SH3GL2: variants seen among roughly 807,000 people sequenced by gnomAD.
SH3GL2 encodes endophilin-A1.
A neutral mutation model predicts 46.0 loss-of-function variants in SH3GL2; 24 were observed. The ratio of observed to expected loss-of-function variants is 0.52; its 90% CI spans 0.38 to 0.73. The LOEUF (loss-of-function observed/expected upper bound fraction) is 0.73, where lower values mean the gene tolerates loss of function less well. SH3GL2 is among the 30% of genes least tolerant of loss of function. SH3GL2 has a pLI of 0.00. For synonymous variants in SH3GL2, 196 were observed against 147.1 expected, an observed-to-expected ratio of 1.33 and a Z score of -2.40; for missense variants, 413 against 424.2, an observed-to-expected ratio of 0.97 and a Z score of 0.23.
chr9:17,738,156 A>C (rs1056656904), intron 1 of SH3GL2, among the ~76,000 whole-genome samples: 2 of 152,076 alleles, frequency 1.3e-5, no homozygotes, highest in Non-Finnish European at 2.9e-5. Context: ...CAGTGCTTGC[A>C]AAGTCCCAGG....
intron 1 of SH3GL2, among the ~76,000 whole-genome samples, chr9:17,733,730 A>T (rs1419720199): frequency 6.6e-6 from 1 of 152,154 alleles, no homozygotes; most frequent in Non-Finnish European, 1.5e-5. Context: ...CAAATGTCCA[A>T]CAATGATAGA....
At chr9:17,674,335 C>T (rs1820551692) in intron 1 of SH3GL2, among the ~76,000 whole-genome samples, 1 of 152,060 alleles carries the variant, frequency 6.6e-6, no homozygotes, top group Non-Finnish European at 1.5e-5. Context: ...GGTGTGATCT[C>T]AGCTCACTGA....
intron 1 of SH3GL2, among the ~76,000 whole-genome samples, chr9:17,720,300 A>C (rs1380237667): frequency 6.6e-6 from 1 of 152,278 alleles, no homozygotes; most frequent in East Asian, 1.9e-4. Flanking sequence ...TAGATTGTTA[A>C]AAGAAAAACC....
chr9:17,771,056 C>G (rs1236266330), intron 3 of SH3GL2, among the ~76,000 whole-genome samples: 3 of 152,184 alleles, frequency 2.0e-5, no homozygotes, highest in African/African-American at 7.2e-5. Context: ...GTTTGTGGTA[C>G]TTTGTTATTC....
intron 1 of SH3GL2, among the ~76,000 whole-genome samples, chr9:17,725,335 T>A (rs138760358): frequency 6.6e-6 from 1 of 152,234 alleles, no homozygotes; most frequent in East Asian, 1.9e-4. Flanking sequence ...GTGAGTGTGA[T>A]TCCAAGAGCA....
intron 1 of SH3GL2, among the ~76,000 whole-genome samples, chr9:17,733,400 A>G (rs36066595): frequency 0.071 from 10,748 of 151,862 alleles, 480 homozygotes; most frequent in Admixed American, 0.13. Context: ...AGCATTAGGT[A>G]TATCTCCCAA....
intron 1 of SH3GL2, among the ~76,000 whole-genome samples, chr9:17,715,349 TTTG>T (rs1285389692): frequency 4.6e-5 from 7 of 151,862 alleles, no homozygotes; most frequent in South Asian, 2.1e-4. Context: ...GATTCATCAG[TTTG>T]TTGTTTTACT....
At chr9:17,786,349 A>T (rs769849699) in intron 3 of SH3GL2, 32 bp from the exon 4 acceptor site, 62 of 1,590,286 alleles carry the variant, frequency 3.9e-5, no homozygotes, top group Non-Finnish European at 5.2e-5. Context: ...CACATTGCCT[A>T]CTCTGAAAGC....
At chr9:17,776,842 G>A (rs113893210) in intron 3 of SH3GL2, among the ~76,000 whole-genome samples, 8 of 152,052 alleles carry the variant, frequency 5.3e-5, no homozygotes, top group Non-Finnish European at 1.2e-4. Flanking sequence ...GCCAGTTTCT[G>A]TGTCTCACAT....
At chr9:17,743,601 C>CACACACACACACAG (rs1554645790) in intron 1 of SH3GL2, among the ~76,000 whole-genome samples, 1 of 145,738 alleles carries the variant, frequency 6.9e-6, no homozygotes, top group South Asian at 2.1e-4. Flanking sequence ...CACACACACA[C>CACACACACACACAG]CCCAAATAGT....
intron 2 of SH3GL2, among the ~76,000 whole-genome samples, chr9:17,747,996 A>G (rs1822743561): frequency 6.6e-6 from 1 of 152,154 alleles, no homozygotes. Flanking sequence ...AAGTGAATGT[A>G]AAATGAGAAG....
chr9:17,777,999 T>A (rs182294311), intron 3 of SH3GL2, among the ~76,000 whole-genome samples: 14 of 152,152 alleles, frequency 9.2e-5, no homozygotes. Context: ...CTAAGAACTT[T>A]CCTCTTGTCC....
chr9:17,641,417 C>G (rs989840591), intron 1 of SH3GL2, among the ~76,000 whole-genome samples: 2 of 152,076 alleles, frequency 1.3e-5, no homozygotes, highest in African/African-American at 4.8e-5. Flanking sequence ...CATGCTAAAA[C>G]ATGGAGAAAC....
chr9:17,783,841 T>C (rs1823880947), intron 3 of SH3GL2, among the ~76,000 whole-genome samples: 1 of 152,082 alleles, frequency 6.6e-6, no homozygotes, highest in Non-Finnish European at 1.5e-5. Context: ...GGGACACAGA[T>C]CTCTAAGGGC....
intron 1 of SH3GL2, among the ~76,000 whole-genome samples, chr9:17,614,228 C>G (rs542204872): frequency 3.9e-5 from 5 of 126,704 alleles, no homozygotes; most frequent in Non-Finnish European, 6.3e-5. Context: ...CTTTCTCAGT[C>G]TTGACAAAGT....
At chr9:17,655,603 A>G (rs1254575634) in intron 1 of SH3GL2, among the ~76,000 whole-genome samples, 1 of 152,260 alleles carries the variant, frequency 6.6e-6, no homozygotes, top group East Asian at 1.9e-4. Flanking sequence ...AACCCCAAGC[A>G]TATTTATTTA....
At chr9:17,713,027 C>G (rs7872436) in intron 1 of SH3GL2, among the ~76,000 whole-genome samples, 10,452 of 151,154 alleles carry the variant, frequency 0.069, 1,164 homozygotes, top group African/African-American at 0.24. Flanking sequence ...TCTTATAGGC[C>G]CTTTTTAAAG....
At chr9:17,579,611 G>A (rs1563769831) in intron 1 of SH3GL2, among the ~76,000 whole-genome samples, 1 of 152,174 alleles carries the variant, frequency 6.6e-6, no homozygotes, top group African/African-American at 2.4e-5. Flanking sequence ...GCCGCGGCGC[G>A]CAGGTGCCTT....
At chr9:17,633,183 G>A (rs1274917646) in intron 1 of SH3GL2, among the ~76,000 whole-genome samples, 2 of 152,144 alleles carry the variant, frequency 1.3e-5, no homozygotes, top group African/African-American at 4.8e-5. Context: ...TGGGCAATCT[G>A]GGAAGGGAGC....
Sources: allele counts gnomAD v4.1 joint callset (sites outside exome capture counted in the v4.1 genomes callset), GRCh38; gene constraint gnomAD v4.1.1; transcripts MANE v1.5; gene names NCBI Gene and HGNC (gene_info 2026-07-23, HGNC 2026-07-21).